DPP10: variants seen among roughly 807,000 people sequenced by gnomAD.
The protein encoded by DPP10 is inactive dipeptidyl peptidase 10.
Under a neutral mutation model 120.9 loss-of-function variants are expected in DPP10, and 33 were observed. The ratio of observed to expected loss-of-function variants is 0.27; its 90% CI spans 0.21 to 0.37. The LOEUF is 0.37. Ranked by LOEUF, DPP10 falls within the 10% of genes least tolerant of loss-of-function variation. The pLI is 1.00. For missense variants in DPP10, 816 were observed against 942.8 expected (o/e 0.87, Z 1.76); for synonymous variants, 337 against 326.1 (o/e 1.03, Z -0.36).
At chr2:114,620,714 T>C (rs1190539116) in intron 1 of DPP10, among the ~76,000 whole-genome samples, 1 of 152,046 alleles carries the variant, frequency 6.6e-6, no homozygotes, top group Non-Finnish European at 1.5e-5. Flanking sequence ...ATTGGCAAAT[T>C]CAAAACTTCA....
intron 15 of DPP10, among the ~76,000 whole-genome samples, chr2:115,778,149 G>A (rs972753582): frequency 1.3e-5 from 2 of 151,782 alleles, no homozygotes; most frequent in Non-Finnish European, 2.9e-5. Context: ...ATTTTCCCTC[G>A]TGCCTTCATC....
intron 1 of DPP10, among the ~76,000 whole-genome samples, chr2:114,535,268 G>A (rs543654002): frequency 9.9e-5 from 15 of 151,924 alleles, no homozygotes; most frequent in African/African-American, 3.1e-4. Context: ...ACATCATCTC[G>A]CCTCCATAAA....
At chr2:115,406,057 T>C (rs1486823085) in intron 3 of DPP10, among the ~76,000 whole-genome samples, 1 of 152,222 alleles carries the variant, frequency 6.6e-6, no homozygotes, top group African/African-American at 2.4e-5. Flanking sequence ...TACCACATGG[T>C]CAAGCAATAA....
At chr2:114,660,743 A>G (rs1013261) in intron 1 of DPP10, among the ~76,000 whole-genome samples, 52,033 of 152,092 alleles carry the variant, frequency 0.34, 11,428 homozygotes, top group African/African-American at 0.62. Context: ...TAAAGAATCC[A>G]AATAATAGAA....
chr2:115,065,758 A>C (rs1706784288), intron 1 of DPP10: 1 of 148,046 alleles, frequency 6.8e-6, no homozygotes, highest in Non-Finnish European at 1.5e-5. Context: ...AGAAGAGTAA[A>C]ATTGTATAGT....
chr2:115,671,806 T>G (rs957999144), intron 5 of DPP10, among the ~76,000 whole-genome samples: 1 of 152,134 alleles, frequency 6.6e-6, no homozygotes, highest in Non-Finnish European at 1.5e-5. Flanking sequence ...GTGAGAATTT[T>G]TATTCAGCAT....
At chr2:115,052,128 G>GA (rs1199970356) in intron 1 of DPP10, among the ~76,000 whole-genome samples, 3 of 152,032 alleles carry the variant, frequency 2.0e-5, no homozygotes, top group African/African-American at 7.2e-5. Flanking sequence ...ATATCGAAAA[G>GA]AAAAACAAGG....
chr2:115,130,501 T>TCC (rs2050293271), intron 1 of DPP10, among the ~76,000 whole-genome samples: 12 of 144,858 alleles, frequency 8.3e-5, no homozygotes, highest in Non-Finnish European at 1.8e-4. Flanking sequence ...TCCATCCATC[T>TCC]ATCCATCCAT....
At chr2:115,053,339 T>C (rs1705655293) in intron 1 of DPP10, among the ~76,000 whole-genome samples, 1 of 152,170 alleles carries the variant, frequency 6.6e-6, no homozygotes, top group Non-Finnish European at 1.5e-5. Context: ...TCTGAAAAAT[T>C]ATCCTAAATG....
intron 1 of DPP10, among the ~76,000 whole-genome samples, chr2:114,484,612 T>C (rs191070251): frequency 6.6e-6 from 1 of 152,190 alleles, no homozygotes; most frequent in African/African-American, 2.4e-5. Flanking sequence ...TGTATGTATG[T>C]CAGGGCCAAG....
At chr2:115,458,824 A>G (rs1479738628) in intron 3 of DPP10, among the ~76,000 whole-genome samples, 1 of 152,186 alleles carries the variant, frequency 6.6e-6, no homozygotes, top group Admixed American at 6.5e-5. Flanking sequence ...TGTGATACTT[A>G]TGCACATTAC....
intron 1 of DPP10, among the ~76,000 whole-genome samples, chr2:115,037,792 T>G (rs934324680): frequency 2.6e-5 from 4 of 152,220 alleles, no homozygotes; most frequent in Non-Finnish European, 4.4e-5. Flanking sequence ...TCATTCCAAT[T>G]ATATCCAAAT....
At chr2:115,628,932 A>C (rs947261731) in intron 5 of DPP10, among the ~76,000 whole-genome samples, 1 of 152,066 alleles carries the variant, frequency 6.6e-6, no homozygotes, top group Non-Finnish European at 1.5e-5. Flanking sequence ...CGTCATTTAC[A>C]TTAGGTATAT....
intron 19 of DPP10, among the ~76,000 whole-genome samples, chr2:115,802,730 G>A (rs1685415440): frequency 6.6e-6 from 1 of 152,136 alleles, no homozygotes; most frequent in African/African-American, 2.4e-5. Context: ...TTTCCATGTA[G>A]TTGAGCGGTT....
intron 1 of DPP10, among the ~76,000 whole-genome samples, chr2:115,266,986 G>T (rs2105786762): frequency 1.3e-5 from 2 of 152,226 alleles, no homozygotes; most frequent in Middle Eastern, 6.8e-3. Flanking sequence ...ACTTTTTATA[G>T]TGCTAGTCGT....
At chr2:114,489,805 A>G (rs760894425) in intron 1 of DPP10, among the ~76,000 whole-genome samples, 11 of 152,228 alleles carry the variant, frequency 7.2e-5, no homozygotes, top group Non-Finnish European at 1.2e-4. Context: ...GCCTAGGGGC[A>G]CTTAAGAAAG....
intron 1 of DPP10, among the ~76,000 whole-genome samples, chr2:114,901,188 T>C (rs932484943): frequency 6.6e-6 from 1 of 151,956 alleles, no homozygotes; most frequent in Admixed American, 6.6e-5. Context: ...GTTTTGTTTT[T>C]TTGTTTGTTT....
chr2:115,706,175 T>C (rs1362995892), intron 7 of DPP10, among the ~76,000 whole-genome samples: 1 of 151,936 alleles, frequency 6.6e-6, no homozygotes, highest in East Asian at 1.9e-4. Flanking sequence ...AAATATGCAA[T>C]TATGTTATAT....
chr2:114,861,241 C>T (rs992907650), intron 1 of DPP10, among the ~76,000 whole-genome samples: 5 of 152,308 alleles, frequency 3.3e-5, no homozygotes, highest in African/African-American at 1.2e-4. Flanking sequence ...CTTCTTAGCA[C>T]ACTGCTCACA....
Sources: gnomAD v4.1 joint callset for allele counts (sites outside exome capture counted in the v4.1 genomes callset) on GRCh38, gnomAD v4.1.1 for gene constraint, MANE v1.5 for transcripts, NCBI Gene and HGNC (gene_info 2026-07-23, HGNC 2026-07-21) for gene names.